Variants in ANAPC10 observed in about 807,000 individuals in gnomAD.
ANAPC10 encodes the protein anaphase promoting complex subunit 10, also known as anaphase-promoting complex subunit 10.
In ANAPC10, 12 loss-of-function variants were observed where a neutral mutation model predicts 22.0. The observed-to-expected ratio is 0.55, with a 90% CI of 0.35 to 0.88. The LOEUF is 0.88. ANAPC10 is among the 40% of genes least tolerant of loss of function. The probability of loss-of-function intolerance (pLI) is 0.01; values close to 1 mark genes in which losing one functional copy is unlikely to be tolerated. For synonymous variants in ANAPC10, 65 were observed against 69.5 expected, an observed-to-expected ratio of 0.94 and a Z score of 0.32; for missense variants, 188 against 220.9, an observed-to-expected ratio of 0.85 and a Z score of 0.94.
At chr4:145,079,068 A>G (rs1223788918) in intron 3 of ANAPC10, among the ~76,000 whole-genome samples, 1 of 152,226 alleles carries the variant, frequency 6.6e-6, no homozygotes, top group Non-Finnish European at 1.5e-5. Context: ...TCAGCACAGC[A>G]AAAGAAACTA....
chr4:145,070,164 T>G (rs970170768), intron 3 of ANAPC10, among the ~76,000 whole-genome samples: 2 of 152,218 alleles, frequency 1.3e-5, no homozygotes, highest in African/African-American at 4.8e-5. Context: ...AAGCTACAGC[T>G]TGCAGGCTAA....
intron 4 of ANAPC10, among the ~76,000 whole-genome samples, chr4:144,997,345 G>A (rs968061478): frequency 5.9e-5 from 9 of 152,106 alleles, no homozygotes; most frequent in South Asian, 2.1e-4. Context: ...CAGAAAGGTC[G>A]GGTTGCCCAC....
At chr4:145,033,715 T>G (rs1737988377) in intron 4 of ANAPC10, among the ~76,000 whole-genome samples, 1 of 152,104 alleles carries the variant, frequency 6.6e-6, no homozygotes. Context: ...AAAAAATCCA[T>G]GACCTGATGA....
chr4:145,009,352 CA>C (rs1216130537), intron 4 of ANAPC10, among the ~76,000 whole-genome samples: 1 of 151,964 alleles, frequency 6.6e-6, no homozygotes. Context: ...CATATGGAAC[CA>C]AAAAAGAGCC....
At chr4:145,012,706 C>A (rs1277628273) in intron 4 of ANAPC10, among the ~76,000 whole-genome samples, 1 of 152,156 alleles carries the variant, frequency 6.6e-6, no homozygotes, top group Admixed American at 6.5e-5. Context: ...ATGGCTTTAT[C>A]AGTTGGACTG....
At chr4:144,995,967 G>A (rs1453406810) in intron 4 of ANAPC10, among the ~76,000 whole-genome samples, 4 of 152,204 alleles carry the variant, frequency 2.6e-5, no homozygotes, top group Non-Finnish European at 5.9e-5. Context: ...CAAGTAGTAT[G>A]TGCCTCCTCC....
rs7697779 is a variant in ANAPC10 at position 145,065,545 on chromosome 4, T to C, written c.207-853A>G. Among the ~76,000 whole-genome samples the C allele has an allele frequency of 4.4e-3, 664 of 152,112 alleles. 3 individuals carry two copies. The highest frequency in any genetic ancestry group is 0.015 in the African/African-American group (610 of 41,528). Reference sequence around the variant, plus strand: ...AGTAACACAATCACTCAAAAATTGATGTCTAATGAAGGCTGGCCTTGGAGA... The same window carrying C: ...AGTAACACAATCACTCAAAAATTGACGTCTAATGAAGGCTGGCCTTGGAGA... On this transcript the variant is annotated intron_variant, in intron 3 of 4. Transcript: ENST00000507656.
chr4:145,054,790 A>T (rs189942172), intron 4 of ANAPC10, among the ~76,000 whole-genome samples: 2 of 151,958 alleles, frequency 1.3e-5, no homozygotes, highest in Admixed American at 6.6e-5. Flanking sequence ...AGACTATAAG[A>T]GACCCCAGCC....
chr4:145,006,729 C>CT (rs1733429879), intron 4 of ANAPC10, among the ~76,000 whole-genome samples: 1 of 152,014 alleles, frequency 6.6e-6, no homozygotes. Context: ...CCATGGGATC[C>CT]TTTTCAGTTT....
intron 4 of ANAPC10, among the ~76,000 whole-genome samples, chr4:145,031,320 T>C (rs1026975312): frequency 2.6e-5 from 4 of 152,204 alleles, no homozygotes; most frequent in Non-Finnish European, 5.9e-5. Context: ...GACATTTGCA[T>C]GCCAGAGGAT....
chr4:145,005,505 T>G (rs1164069056), intron 4 of ANAPC10, among the ~76,000 whole-genome samples: 1 of 152,152 alleles, frequency 6.6e-6, no homozygotes. Flanking sequence ...CTGCTAGACT[T>G]GGGGTTGGTT....
chr4:145,093,389 T>C (rs1026026412), intron 2 of ANAPC10, among the ~76,000 whole-genome samples: 3 of 151,852 alleles, frequency 2.0e-5, no homozygotes, highest in Non-Finnish European at 4.4e-5. Context: ...CATTTCAAGG[T>C]GTAAAAACTA....
At chr4:145,048,086 C>T (rs1004806168) in intron 4 of ANAPC10, among the ~76,000 whole-genome samples, 2 of 152,088 alleles carry the variant, frequency 1.3e-5, no homozygotes, top group Admixed American at 6.6e-5. Flanking sequence ...CTGCTAGAGT[C>T]GAATCAATTT....
intron 4 of ANAPC10, among the ~76,000 whole-genome samples, chr4:145,045,899 A>G (rs1380591310): frequency 6.6e-6 from 1 of 152,122 alleles, no homozygotes; most frequent in Non-Finnish European, 1.5e-5. Flanking sequence ...TCATACTGTA[A>G]TTTTAAAAAA....
At chr4:145,055,240 C>T (rs1741875821) in intron 4 of ANAPC10, among the ~76,000 whole-genome samples, 2 of 152,054 alleles carry the variant, frequency 1.3e-5, no homozygotes, top group East Asian at 1.9e-4. Context: ...ATACCTTTTG[C>T]ACCTGCTGAA....
intron 4 of ANAPC10, among the ~76,000 whole-genome samples, chr4:145,063,130 T>C (rs1031860340): frequency 6.6e-6 from 1 of 152,148 alleles, no homozygotes; most frequent in Non-Finnish European, 1.5e-5. Flanking sequence ...TGTGTTATAT[T>C]CTTGAAGATT....
chr4:145,058,633 T>C (rs891681266), intron 4 of ANAPC10, among the ~76,000 whole-genome samples: 1 of 152,200 alleles, frequency 6.6e-6, no homozygotes, highest in Non-Finnish European at 1.5e-5. Context: ...AATGCCAGAC[T>C]ACATCTCTTA....
At chr4:145,006,318 G>A (rs556693147) in intron 4 of ANAPC10, among the ~76,000 whole-genome samples, 6 of 152,212 alleles carry the variant, frequency 3.9e-5, no homozygotes, top group African/African-American at 9.6e-5. Context: ...AAAGATAAAG[G>A]GAATTTGTTT....
chr4:145,053,773 A>C, intron 4 of ANAPC10: 1 of 662,784 alleles, frequency 1.5e-6, no homozygotes, highest in Non-Finnish European at 2.7e-6. Flanking sequence ...CACATGTAAA[A>C]CATGAGGCTG....
Sources: gnomAD v4.1 joint callset for allele counts (sites outside exome capture counted in the v4.1 genomes callset) on GRCh38, gnomAD v4.1.1 for gene constraint, MANE v1.5 for transcripts, NCBI Gene and HGNC (gene_info 2026-07-23, HGNC 2026-07-21) for gene names.